CDH13: variants seen among roughly 807,000 people sequenced by gnomAD.
The protein encoded by CDH13 is cadherin 13.
A neutral mutation model predicts 63.8 loss-of-function variants in CDH13; 24 were observed. That is an observed-to-expected ratio of 0.38 (90% CI 0.27 to 0.53). The LOEUF is 0.53. Among genes scored for constraint, CDH13 ranks in the 20% least tolerant of loss-of-function variants. The pLI is 0.85. For missense variants in CDH13, 1,049 were observed against 903.1 expected (o/e 1.16, Z -2.07); for synonymous variants, 503 against 355.3 (o/e 1.42, Z -4.67).
rs1295385636 is a variant in CDH13 at position 82,956,963 on chromosome 16, C to T, written c.158-75047C>T. 2.0e-5 allele frequency among the ~76,000 whole-genome samples: 3 copies of T among 152,240 alleles called. No homozygotes were observed. The East Asian group carries it at 5.8e-4, about 29-fold the overall frequency. ...GTGGCCCCACTGTGTCACTTAGAGA[C>T]AAAGTGGAGACAGGGGTGGAGAGAC... On this transcript the variant is annotated intron_variant, in intron 2 of 13. Transcript: ENST00000567109.
intron 4 of CDH13, among the ~76,000 whole-genome samples, chr16:83,131,186 C>A (rs1597388457): frequency 1.3e-4 from 4 of 31,226 alleles, no homozygotes; most frequent in Admixed American, 4.0e-4. Flanking sequence ...TGTATGACCC[C>A]CCCCCCCCCC....
intron 6 of CDH13, among the ~76,000 whole-genome samples, chr16:83,452,062 C>T (rs1000210908): frequency 6.6e-6 from 1 of 152,064 alleles, no homozygotes; most frequent in African/African-American, 2.4e-5. Context: ...CCGGTCAGCC[C>T]TAATGTCACA....
Position 83,141,649 on chromosome 16 carries a change from C to T in CDH13, c.483+16148C>T, listed in dbSNP as rs146784794. On this transcript the variant is annotated intron_variant, in intron 4 of 13. Transcript: ENST00000567109. The stretch of plus-strand genomic sequence containing the variant: ...GCCCCGTGTGCATTAGGTATTTGTC[C>T]TAATGCTCTCTCTCCTTTTGTCCCC... 2.0e-4 allele frequency among the ~76,000 whole-genome samples: 30 copies of T among 152,210 alleles called. 1 individual carries two copies. In the East Asian group the frequency reaches 4.4e-3, roughly 23 times the overall value.
In CDH13 at chr16:83,337,621, A is replaced by ATTTTT. The variant is rs66957563; in HGVS notation, c.637-7216_637-7212dup. 3.2e-3 allele frequency among the ~76,000 whole-genome samples: 167 copies of ATTTTT among 52,268 alleles called. 18 individuals carry two copies. Among genetic ancestry groups the ATTTTT allele is most frequent in the African/African-American group, 0.011 (136 of 12,150 alleles). 34.3% of individuals were successfully genotyped at this position (52,268 alleles called of 152,430 possible). A position where few individuals can be genotyped will look rare whatever the true frequency, so the allele number is the denominator to read the frequency against. On this transcript the variant is annotated intron_variant, in intron 5 of 13. Coordinates refer to ENST00000567109, the MANE Select transcript of CDH13 (RefSeq NM_001257.5). ...ATTTGAGAATTAAATTGACAAGCGTATTTTTTTTTTTTTTTTTTTTTTTTT... is the reference window on the plus strand; with the variant it reads ...ATTTGAGAATTAAATTGACAAGCGTATTTTTTTTTTTTTTTTTTTTTTTTTTTTTT...
Position 82,693,150 on chromosome 16 carries a change from G to A in CDH13, c.45+66013G>A, listed in dbSNP as rs561689279. On this transcript the variant is annotated intron_variant, in intron 1 of 13. Transcript: ENST00000567109. Reference sequence around the variant, plus strand: ...AGGAAATGAATCTGCCAGTTATCATGCCATGGACTTTGAGATGAGACCCCA... The same window carrying A: ...AGGAAATGAATCTGCCAGTTATCATACCATGGACTTTGAGATGAGACCCCA... 8.5e-5 allele frequency among the ~76,000 whole-genome samples: 13 copies of A among 152,302 alleles called. No homozygotes were observed. In the East Asian group the frequency reaches 2.3e-3, roughly 27 times the overall value.
chr16:83,495,738 A>G (rs1187841302), intron 7 of CDH13, among the ~76,000 whole-genome samples: 1 of 152,190 alleles, frequency 6.6e-6, no homozygotes, highest in Non-Finnish European at 1.5e-5. Context: ...GTTAAATGAA[A>G]GCCCTCTTTT....
intron 3 of CDH13, among the ~76,000 whole-genome samples, chr16:83,074,501 G>A (rs556872817): frequency 8.5e-5 from 13 of 152,176 alleles, no homozygotes; most frequent in South Asian, 4.2e-4. Flanking sequence ...TCTTTCCTTG[G>A]TATAAATACC....
intron 4 of CDH13, chr16:83,171,675 C>T: frequency 2.1e-6 from 2 of 930,990 alleles, no homozygotes; most frequent in South Asian, 1.4e-5. Context: ...CTGCAAATAG[C>T]ATGCTCTTTG....
chr16:82,705,101 C>A, intron 1 of CDH13: 1 of 455,784 alleles, frequency 2.2e-6, no homozygotes. Context: ...TCAAAACCTG[C>A]AATTTATCAA....
At chr16:83,336,183 C>T (rs915249049) in intron 5 of CDH13, among the ~76,000 whole-genome samples, 34 of 151,590 alleles carry the variant, frequency 2.2e-4, no homozygotes, top group African/African-American at 8.0e-4. Context: ...TATCTGTAAT[C>T]GCAGCTACTC....
At chr16:83,672,474 G>C (rs972861215) in intron 9 of CDH13, among the ~76,000 whole-genome samples, 1 of 122,208 alleles carries the variant, frequency 8.2e-6, no homozygotes, top group African/African-American at 3.1e-5. Context: ...CACCAGGCTG[G>C]AGTGCAGTGG....
At chr16:83,338,086 G>A (rs1597784153) in intron 5 of CDH13, among the ~76,000 whole-genome samples, 1 of 150,304 alleles carries the variant, frequency 6.7e-6, no homozygotes, top group Non-Finnish European at 1.5e-5. Context: ...TCTTTGCTGC[G>A]ATGAGTATTT....
At chr16:82,888,375 C>A (rs754413759) in intron 2 of CDH13, among the ~76,000 whole-genome samples, 50 of 152,186 alleles carry the variant, frequency 3.3e-4, no homozygotes, top group Non-Finnish European at 1.5e-4. Flanking sequence ...TGACTGTCAT[C>A]AAGTTCTTCT....
chr16:82,684,026 C>G (rs7195569), intron 1 of CDH13, among the ~76,000 whole-genome samples: 2,836 of 152,278 alleles, frequency 0.019, 80 homozygotes, highest in African/African-American at 0.064. Context: ...GCCTGTCTAC[C>G]CCTTCCCAAG....
intron 7 of CDH13, 77 bp from the exon 8 acceptor site, chr16:83,602,377 C>T (rs1907930981): frequency 5.5e-6 from 8 of 1,463,410 alleles, no homozygotes; most frequent in Non-Finnish European, 7.7e-6. Flanking sequence ...ACAGCTCCAG[C>T]AACACGCCTG....
intron 2 of CDH13, among the ~76,000 whole-genome samples, chr16:82,894,572 A>C (rs2041187683): frequency 6.6e-6 from 1 of 152,122 alleles, no homozygotes; most frequent in African/African-American, 2.4e-5. Context: ...AACCCAGGAG[A>C]CAGAGGTTGC....
chr16:83,598,648 C>T (rs550240609), intron 7 of CDH13, among the ~76,000 whole-genome samples: 1 of 152,016 alleles, frequency 6.6e-6, no homozygotes, highest in Non-Finnish European at 1.5e-5. Flanking sequence ...TTGAGGAAAG[C>T]CAAAATGTAT....
In CDH13 at chr16:82,678,170, T is replaced by A. The variant is rs1200448576; in HGVS notation, c.45+51033T>A. Reference sequence around the variant, plus strand: ...GTAAGAATGTTGTGGCCAAACATGCTGTGTATTGGATGGATGGATGGGAGG... The same window carrying A: ...GTAAGAATGTTGTGGCCAAACATGCAGTGTATTGGATGGATGGATGGGAGG... On this transcript the variant is annotated intron_variant, in intron 1 of 13. Coordinates refer to ENST00000567109, the MANE Select transcript of CDH13 (RefSeq NM_001257.5). Among the ~76,000 whole-genome samples, 3 of 152,266 alleles carry A rather than the reference T, an allele frequency of 2.0e-5. No individual in the cohort carries two copies. In the Middle Eastern group the frequency reaches 0.01, roughly 518 times the overall value.
At chr16:82,787,548 C>T (rs574626351) in intron 1 of CDH13, among the ~76,000 whole-genome samples, 1 of 152,130 alleles carries the variant, frequency 6.6e-6, no homozygotes, top group Admixed American at 6.5e-5. Context: ...AGTGTAAGTA[C>T]AATTTATCGA....
Sources: allele counts gnomAD v4.1 joint callset (sites outside exome capture counted in the v4.1 genomes callset), GRCh38; gene constraint gnomAD v4.1.1; transcripts MANE v1.5; gene names NCBI Gene and HGNC (gene_info 2026-07-23, HGNC 2026-07-21).